Variants in MYO1B observed in about 807,000 individuals in gnomAD.
MYO1B encodes unconventional myosin-Ib.
MYO1B carries 72 observed loss-of-function variants against 159.7 expected under a neutral mutation model. That is an observed-to-expected ratio of 0.45 (90% confidence interval 0.37 to 0.55). The LOEUF (loss-of-function observed/expected upper bound fraction) is 0.55, where lower values mean the gene tolerates loss of function less well. Among genes scored for constraint, MYO1B ranks in the 20% least tolerant of loss-of-function variants. The probability of loss-of-function intolerance (pLI) is 0.00; values close to 1 mark genes in which losing one functional copy is unlikely to be tolerated. For synonymous variants in MYO1B, 468 were observed against 473.8 expected, an observed-to-expected ratio of 0.99 and a Z score of 0.16; for missense variants, 1,062 against 1,364.8, an observed-to-expected ratio of 0.78 and a Z score of 3.50.
In MYO1B at chr2:191,364,183, C is replaced by G; in HGVS notation, c.939C>G (p.Thr313=). 1 of 1,613,804 alleles carries G rather than the reference C, an allele frequency of 6.2e-7. No individual in the cohort carries two copies. ...AGTTAAAAGAAATTTGTGAATTGAC[C>G]GGCATTGATCAATCAGTTCTAGAAC... ...KNELKEICEL[T]GIDQSVLERA... The change falls in exon 11 of 31, where the codon ACC becomes ACG. Residue 313 remains threonine (T), a synonymous_variant. Transcript: ENST00000392318.
At chr2:191,354,286 TAATAATAATAATG>T (rs1042144674) in intron 7 of MYO1B, among the ~76,000 whole-genome samples, 2 of 148,312 alleles carry the variant, frequency 1.3e-5, no homozygotes, top group African/African-American at 2.5e-5. Flanking sequence ...ATAATAATAA[TAATAATAATAATG>T]TCGAACACCT....
intron 3 of MYO1B, among the ~76,000 whole-genome samples, chr2:191,327,115 C>T (rs1319228150): frequency 1.3e-5 from 2 of 152,154 alleles, no homozygotes; most frequent in African/African-American, 4.8e-5. Context: ...CAATGCTTTC[C>T]TTTCCTACAT....
intron 4 of MYO1B, among the ~76,000 whole-genome samples, chr2:191,339,487 G>T (rs1001277476): frequency 1.3e-5 from 2 of 152,178 alleles, no homozygotes; most frequent in African/African-American, 4.8e-5. Flanking sequence ...GTTGTGTTAT[G>T]TGGACAGTAA....
At chr2:191,354,845 C>T (rs1188911572) in intron 7 of MYO1B, among the ~76,000 whole-genome samples, 1 of 152,184 alleles carries the variant, frequency 6.6e-6, no homozygotes, top group African/African-American at 2.4e-5. Flanking sequence ...GGCAGGGACA[C>T]AGATCATACC....
chr2:191,365,333 A>G (rs1693939583), intron 11 of MYO1B, among the ~76,000 whole-genome samples: 1 of 152,210 alleles, frequency 6.6e-6, no homozygotes, highest in Non-Finnish European at 1.5e-5. Flanking sequence ...GGGTGGAGCC[A>G]GGCTTGCCCT....
At chr2:191,409,374 C>T (rs934589584) in intron 26 of MYO1B, among the ~76,000 whole-genome samples, 196 bp downstream of exon 26, 2 of 152,194 alleles carry the variant, frequency 1.3e-5, no homozygotes, top group African/African-American at 4.8e-5. Flanking sequence ...GTTCCCTGTG[C>T]GGTCGCCTCT....
rs1697553702 is a variant in MYO1B, at chr2:191,416,217, A to G, written c.3262A>G (p.Lys1088Glu). Residue 1088 changes from lysine (K) to glutamate (E), a missense_variant, in exon 30 of 31, where the codon AAG becomes GAG. Physicochemically the swap from Lys to Glu is moderately conservative, Grantham distance 56 (BLOSUM62 1). Around this residue, in one of 5 missense-constraint regions of MYO1B, gnomAD observed 609 missense variants for 744.4 expected, o/e 0.82. Coordinates refer to ENST00000392318, the MANE Select transcript of MYO1B (RefSeq NM_001130158.3). ...YRTTLSQTKQ[K>E]LNIEISDEFL... is the part of the protein sequence containing the mutation. ...CACAACTCTCAGCCAAACCAAACAG[A>G]AGCTCAATATTGAGATTTCCGATGA... The G allele has an allele frequency of 1.2e-6, 2 of 1,614,026 alleles. No individual in the cohort carries two copies. Among genetic ancestry groups the G allele is most frequent in the Non-Finnish European group, 1.7e-6 (2 of 1,180,040 alleles).
intron 13 of MYO1B, among the ~76,000 whole-genome samples, chr2:191,371,358 T>TA (rs2126041268): frequency 6.6e-6 from 1 of 152,322 alleles, no homozygotes; most frequent in Admixed American, 6.5e-5. Flanking sequence ...GCCTTTTTCT[T>TA]AGTATGTTTT....
chr2:191,289,057 G>A lies in MYO1B; in HGVS notation c.136-7054G>A, dbSNP rs925633218. ...TTCTCTGAAGTTAAAGAATGATTAC[G>A]ATTGAATCTTTTCTGGTGAGAGCAA... is the stretch of plus-strand genomic sequence containing the variant. On this transcript the variant is annotated intron_variant, in intron 2 of 30. Coordinates refer to ENST00000392318, the MANE Select transcript of MYO1B (RefSeq NM_001130158.3). 2.0e-5 allele frequency among the ~76,000 whole-genome samples: 3 copies of A among 152,148 alleles called. 1 individual carries two copies. Among genetic ancestry groups the A allele is most frequent in the East Asian group, 3.9e-4 (2 of 5,194 alleles).
chr2:191,277,052 C>A, intron 2 of MYO1B, 22 bp downstream of exon 2: 1 of 1,609,968 alleles, frequency 6.2e-7, no homozygotes. Flanking sequence ...CGAAGGTCAT[C>A]TGTAATGTTT....
At chr2:191,411,448 A>G (rs1299814362) in intron 27 of MYO1B, among the ~76,000 whole-genome samples, 3 of 152,240 alleles carry the variant, frequency 2.0e-5, no homozygotes, top group Admixed American at 1.3e-4. Context: ...CATAAAAATT[A>G]TATAGGCTGT....
intron 13 of MYO1B, among the ~76,000 whole-genome samples, chr2:191,372,451 C>T (rs905328451): frequency 4.6e-5 from 7 of 152,088 alleles, no homozygotes; most frequent in East Asian, 1.9e-4. Flanking sequence ...ATAAACAATT[C>T]GAGTCATTTC....
chr2:191,307,946 G>A (rs1033538632), intron 3 of MYO1B, among the ~76,000 whole-genome samples: 1 of 152,098 alleles, frequency 6.6e-6, no homozygotes, highest in African/African-American at 2.4e-5. Context: ...ATGTCAGTCT[G>A]TTCACCAACC....
intron 2 of MYO1B, among the ~76,000 whole-genome samples, chr2:191,290,364 T>C (rs975499942): frequency 6.6e-6 from 1 of 152,222 alleles, no homozygotes; most frequent in Non-Finnish European, 1.5e-5. Flanking sequence ...AGAAGAGTCA[T>C]TGCTTCCGCT....
In MYO1B at chr2:191,344,579, C is replaced by G. The variant is rs190059047; in HGVS notation, c.452-1657C>G. 5.3e-3 allele frequency among the ~76,000 whole-genome samples: 810 copies of G among 152,094 alleles called. 27 individuals carry two copies. The highest frequency in any genetic ancestry group is 4.1e-3 in the East Asian group (21 of 5,160). On this transcript the variant is annotated intron_variant, in intron 5 of 30. Coordinates refer to ENST00000392318, the MANE Select transcript of MYO1B (RefSeq NM_001130158.3). ...GGCGTGGTGGCTCACGCCTGTAATCCCAGCACTTTGGGAGGCCGAGGGGGG... is the reference window on the plus strand; with the variant it reads ...GGCGTGGTGGCTCACGCCTGTAATCGCAGCACTTTGGGAGGCCGAGGGGGG...
chr2:191,410,994 A>G, intron 26 of MYO1B, 72 bp from the exon 27 acceptor site: 1 of 853,686 alleles, frequency 1.2e-6, no homozygotes. Context: ...AAATTGTCTT[A>G]GCATATTTAA....
intron 23 of MYO1B, chr2:191,401,876 C>T (rs781458129): frequency 6.6e-6 from 1 of 152,190 alleles, no homozygotes; most frequent in East Asian, 1.9e-4. Flanking sequence ...GTTCATTTCC[C>T]AGTCTCAGTA....
At chr2:191,269,072 C>G (rs1043274054) in intron 1 of MYO1B, among the ~76,000 whole-genome samples, 1 of 152,180 alleles carries the variant, frequency 6.6e-6, no homozygotes, top group African/African-American at 2.4e-5. Flanking sequence ...ATTAAGTGCA[C>G]TCCCACTGCT....
intron 4 of MYO1B, among the ~76,000 whole-genome samples, chr2:191,334,911 C>A (rs1207591549): frequency 2.6e-5 from 4 of 152,130 alleles, no homozygotes; most frequent in African/African-American, 9.7e-5. Context: ...AACAAGCAAC[C>A]AAATTAGTAC....
Sources: gnomAD v4.1 joint callset for allele counts (sites outside exome capture counted in the v4.1 genomes callset) on GRCh38, gnomAD v4.1.1 for gene constraint, gnomAD v4.1.1 regional missense constraint, MANE v1.5 for transcripts, NCBI Gene and HGNC (gene_info 2026-07-23, HGNC 2026-07-21) for gene names.